The following INO80E variants were observed in gnomAD, a reference collection of about 807,000 sequenced individuals.
INO80E encodes INO80 complex subunit E.
Under a neutral mutation model 27.3 loss-of-function variants are expected in INO80E, and 20 were observed. That is an observed-to-expected ratio of 0.73 (90% CI 0.51 to 1.06). INO80E has a LOEUF of 1.06. Ranked by LOEUF, INO80E falls within the 50% of genes least tolerant of loss-of-function variation. INO80E has a pLI of 0.00. For missense variants in INO80E, 357 were observed against 322.8 expected (o/e 1.11, Z -0.81); for synonymous variants, 167 against 145.9 (o/e 1.14, Z -1.04).
At chr16:29,997,061 A>AG (rs2070151313) in intron 3 of INO80E, among the ~76,000 whole-genome samples, 2 of 152,238 alleles carry the variant, frequency 1.3e-5, no homozygotes, top group South Asian at 4.1e-4. Flanking sequence ...TGCTTGGCAC[A>AG]GGGGATACAG....
intron 6 of INO80E, 112 bp from the exon 7 acceptor site, chr16:30,005,109 T>C: frequency 8.3e-7 from 1 of 1,197,952 alleles, no homozygotes. Flanking sequence ...GGCCCAGCTG[T>C]GCCCAGGGCC....
Position 30,000,923 on chromosome 16 carries a change from C to G in INO80E, c.285-6C>G. On this transcript the variant is annotated splice_region_variant and splice_polypyrimidine_tract_variant and intron_variant, in intron 4 of 6. Coordinates refer to ENST00000563197, the MANE Select transcript of INO80E (RefSeq NM_173618.3). The stretch of plus-strand genomic sequence containing the variant: ...CACATCTGACCTCGCCCTGTCCTTT[C>G]TCCAGGAAGAGAAGCCCTCCGCTGG... 1 of 1,602,756 alleles carries G rather than the reference C, an allele frequency of 6.2e-7. No homozygotes were observed. The highest frequency in any genetic ancestry group is 8.5e-7 in the Non-Finnish European group (1 of 1,171,710).
At chr16:30,001,778 G>GA in intron 6 of INO80E, 1 of 470,516 alleles carries the variant, frequency 2.1e-6, no homozygotes, top group Non-Finnish European at 3.8e-6. Flanking sequence ...CATGGCTGCA[G>GA]TGTAGCGGGG....
intron 6 of INO80E, 109 bp from the exon 7 acceptor site, chr16:30,005,112 C>T: frequency 8.1e-7 from 1 of 1,240,882 alleles, no homozygotes. Flanking sequence ...CCAGCTGTGC[C>T]CAGGGCCTCT....
In INO80E at chr16:30,004,967, G is replaced by A. The variant is rs547423975; in HGVS notation, c.514-254G>A. 7.9e-5 allele frequency among the ~76,000 whole-genome samples: 12 copies of A among 152,248 alleles called. No individual in the cohort carries two copies. In the East Asian group the frequency reaches 1.9e-3, roughly 25 times the overall value. On this transcript the variant is annotated intron_variant, in intron 6 of 6. Coordinates refer to ENST00000563197, the MANE Select transcript of INO80E (RefSeq NM_173618.3). ...GCCTCCCTGGAGAGGGCAGGTGCCC[G>A]GGCCTTTCCCTCCCGGTTTCCTGTG...
rs766721370 is a variant in INO80E, at chr16:29,996,635, G to T, written c.152+18G>T. 1.8e-5 allele frequency: 29 copies of T among 1,581,394 alleles called. No homozygotes were observed. In the South Asian group the frequency reaches 3.1e-4, roughly 17 times the overall value. ...GACAAGAGGTGAGGCACGTTGCAGG[G>T]GCGGAGGGCGATGTGCTTCCTAGGA... On this transcript the variant is annotated intron_variant, in intron 2 of 6. Coordinates refer to ENST00000563197, the MANE Select transcript of INO80E (RefSeq NM_173618.3).
chr16:30,004,277 A>G (rs2070458085), intron 6 of INO80E: 1 of 152,366 alleles, frequency 6.6e-6, no homozygotes. Context: ...GGGCATTAAC[A>G]GAAACCACCT....
At chr16:30,005,147 G>A in intron 6 of INO80E, 74 bp from the exon 7 acceptor site, 3 of 1,405,636 alleles carry the variant, frequency 2.1e-6, no homozygotes, top group Non-Finnish European at 2.8e-6. Flanking sequence ...GCTGCCCTGG[G>A]GGGCAAAGCC....
chr16:30,005,088 C>T, intron 6 of INO80E, 133 bp from the exon 7 acceptor site: 9 of 988,938 alleles, frequency 9.1e-6, no homozygotes, highest in Non-Finnish European at 1.1e-5. Context: ...GCCCTGAGTG[C>T]AGCATGGGTT....
Position 29,996,353 on chromosome 16 carries a change from T to C in INO80E, c.43T>C (p.Tyr15His). The C allele has an allele frequency of 6.3e-7, 1 of 1,599,396 alleles. No homozygotes were observed. The highest frequency in any genetic ancestry group is 8.5e-7 in the Non-Finnish European group (1 of 1,173,110). The change falls in exon 1 of 7, where the codon TAC (tyrosine) becomes CAC (histidine). Residue 15 changes from tyrosine (Y) to histidine (H), a missense_variant. By Grantham distance (83) the Tyr-to-His change is moderately conservative. Coordinates refer to ENST00000563197, the MANE Select transcript of INO80E (RefSeq NM_173618.3). ...ADGEVDYKKK[Y>H]RNLKRKLKFL... ...CGGCGAAGTGGACTACAAAAAAAAA[T>C]ACCGGAATCTGAAGCGGAAGCTCAA...
intron 3 of INO80E, chr16:29,999,307 G>A (rs1043516814): frequency 2.6e-5 from 4 of 152,234 alleles, no homozygotes; most frequent in Non-Finnish European, 5.9e-5. Flanking sequence ...GGGAATTCAG[G>A]GCAGGAGGTG....
rs55762054 is a variant in INO80E at position 30,003,928 on chromosome 16, C to A, written c.514-1293C>A. 0.16 allele frequency: 23,779 copies of A among 152,150 alleles called. 3,261 individuals carry two copies. Among genetic ancestry groups the A allele is most frequent in the African/African-American group, 0.37 (15,318 of 41,322 alleles). The allele number at this position is 152,150 out of a possible 1,614,324, so 9.4% of individuals were successfully genotyped here. A position where few individuals can be genotyped will look rare whatever the true frequency, so the allele number is the denominator to read the frequency against. ...CGTGGGGGTGCTGTTCAGAGTTGGA[C>A]CCCCCATCATCCATCCTGCCAGCCT... is the stretch of plus-strand genomic sequence containing the variant. On this transcript the variant is annotated intron_variant, in intron 6 of 6. Coordinates refer to ENST00000563197, the MANE Select transcript of INO80E (RefSeq NM_173618.3). The surrounding 1 kb of genome is among the most constrained non-coding windows in gnomAD (Gnocchi z 4.4).
chr16:30,005,778 G>A lies in INO80E; in HGVS notation c.*336G>A. 2 of 472,688 alleles carry A rather than the reference G, an allele frequency of 4.2e-6. No homozygotes were observed. 29.3% of individuals were successfully genotyped at this position (472,688 alleles called of 1,614,324 possible). On this transcript the variant is annotated 3_prime_UTR_variant, in exon 7 of 7. Coordinates refer to ENST00000563197, the MANE Select transcript of INO80E (RefSeq NM_173618.3). ...TTTTCAATGAAGTTTCTGTATTAAA[G>A]GAGTGGCTCTGGGTTTGTTTTTTGT...
intron 6 of INO80E, among the ~76,000 whole-genome samples, chr16:30,004,860 G>A (rs1382195398): frequency 6.6e-6 from 1 of 152,162 alleles, no homozygotes; most frequent in Non-Finnish European, 1.5e-5. Flanking sequence ...GTGGCAGGTG[G>A]CACCTCCGGG....
At chr16:29,998,336 A>G (rs570662344) in intron 3 of INO80E, among the ~76,000 whole-genome samples, 2 of 151,940 alleles carry the variant, frequency 1.3e-5, no homozygotes, top group African/African-American at 4.8e-5. Context: ...GAAGTGGGCT[A>G]GAGCTGTCCC....
At position 29,996,849 on chromosome 16, in the gene INO80E, A is replaced by T. The variant is rs1489715176; in HGVS notation, c.194A>T (p.Glu65Val). 1 of 1,614,170 alleles carries T rather than the reference A, an allele frequency of 6.2e-7. No individual in the cohort carries two copies. The highest frequency in any genetic ancestry group is 2.2e-5 in the East Asian group (1 of 44,890). The change falls in exon 3 of 7, where the codon GAA becomes GTA. Residue 65 changes from glutamate (E) to valine (V), a missense_variant. Coordinates refer to ENST00000563197, the MANE Select transcript of INO80E (RefSeq NM_173618.3). ...DRLLQYENVD[E>V]DSSDSDATAS... is the part of the protein sequence containing the mutation. ...CTTCTGCAGTACGAGAACGTGGATG[A>T]AGACTCTTCGGGTGAGCAAGGTCTT...
Position 30,005,331 on chromosome 16 carries a change from G to GGCC in INO80E, c.624_625insGCC (p.Met208_Pro209insAla). ...TGACCCCCCTCCCACCCCCTAAGATGCCCCCCCCCACGATCCTGAGCACGG... is the reference window on the plus strand; with the variant it reads ...TGACCCCCCTCCCACCCCCTAAGATGGCCCCCCCCCCCACGATCCTGAGCACGG... On this transcript the variant is annotated inframe_insertion, in exon 7 of 7. Coordinates refer to ENST00000563197, the MANE Select transcript of INO80E (RefSeq NM_173618.3). 9.3e-7 allele frequency: 1 copy of GGCC among 1,071,834 alleles called. No individual in the cohort carries two copies. Among genetic ancestry groups the GGCC allele is most frequent in the Non-Finnish European group, 1.1e-6 (1 of 877,548 alleles). The allele number at this position is 1,071,834 out of a possible 1,614,324, so 66.4% of individuals were successfully genotyped here.
chr16:29,999,538 A>G (rs1009144737), intron 3 of INO80E: 5 of 152,262 alleles, frequency 3.3e-5, no homozygotes, highest in African/African-American at 1.2e-4. Flanking sequence ...GACTTCACAG[A>G]GGAGGTGGCA....
Position 30,000,940 on chromosome 16 carries a change from C to A in INO80E, c.296C>A (p.Pro99His). The A allele has an allele frequency of 6.3e-7, 1 of 1,595,312 alleles. No homozygotes were observed. Among genetic ancestry groups the A allele is most frequent in the Non-Finnish European group, 8.6e-7 (1 of 1,167,462 alleles). The change falls in exon 5 of 7, where the codon CCT (proline) becomes CAT (histidine). Residue 99 changes from proline (P) to histidine (H), a missense_variant. Coordinates refer to ENST00000563197, the MANE Select transcript of INO80E (RefSeq NM_173618.3). ...TGTCCTTTCTCCAGGAAGAGAAGCC[C>A]TCCGCTGGGGGGCGCCCCCTCTCCC... ...DTPAPKRKRS[P>H]PLGGAPSPSS...
Sources: gnomAD v4.1 joint callset for allele counts (sites outside exome capture counted in the v4.1 genomes callset) on GRCh38, gnomAD v4.1.1 for gene constraint, Gnocchi (gnomAD v3.1) non-coding constraint, MANE v1.5 for transcripts, NCBI Gene and HGNC (gene_info 2026-07-23, HGNC 2026-07-21) for gene names.